The following CACNA1C variants were observed in gnomAD, a reference collection of about 807,000 sequenced individuals.
The protein encoded by CACNA1C is calcium voltage-gated channel subunit alpha1 C.
Under a neutral mutation model 229.0 loss-of-function variants are expected in CACNA1C, and 30 were observed. The ratio of observed to expected loss-of-function variants is 0.13; its 90% CI spans 0.10 to 0.18. The LOEUF (loss-of-function observed/expected upper bound fraction) is 0.18. Ranked by LOEUF, CACNA1C falls within the 10% of genes least tolerant of loss-of-function variation. CACNA1C has a pLI of 1.00. For missense variants in CACNA1C, 1,658 were observed against 2,845.0 expected (o/e 0.58, Z 9.49); for synonymous variants, 1,114 against 1,132.5 (o/e 0.98, Z 0.33).
intron 1 of CACNA1C, among the ~76,000 whole-genome samples, chr12:2,044,190 A>G (rs902475516): frequency 2.6e-5 from 4 of 152,180 alleles, no homozygotes; most frequent in African/African-American, 9.6e-5. Context: ...ATTGAAACTT[A>G]CCTTCAAGTA....
Position 2,597,273 on chromosome 12 carries a change from T to G in CACNA1C, c.2837T>G (p.Ile946Ser). ...FDIVFTTIFT[I>S]EIALKMTAYG... ...ATTGTTTTTACCACCATTTTCACCA[T>G]TGAAATTGCTCTGAAGGTAAAGCCC... The change falls in exon 21 of 47, where the codon ATT (isoleucine) becomes AGT (serine). Residue 946 changes from isoleucine to serine, a missense_variant. Transcript: ENST00000399655. This position sits in a 1 kb window ranked among gnomAD's most constrained non-coding sequence, Gnocchi z 4.3. 6.2e-7 allele frequency: 1 copy of G among 1,610,734 alleles called. No individual in the cohort carries two copies. Among genetic ancestry groups the G allele is most frequent in the Non-Finnish European group, 8.5e-7 (1 of 1,177,462 alleles).
Position 2,301,069 on chromosome 12 carries a change from C to T in CACNA1C, c.478-147907C>T, listed in dbSNP as rs148850017. Among the ~76,000 whole-genome samples the T allele has an allele frequency of 8.2e-3, 1,255 of 152,258 alleles. 15 individuals are homozygous for T. The highest frequency in any genetic ancestry group is 0.029 in the African/African-American group (1,199 of 41,538). ...GGTGGTAGTCTGCAGGCATACACTC[C>T]GTGTCCTGTCGTGAGCCGGTCCTCA... On this transcript the variant is annotated intron_variant, in intron 3 of 46. Transcript: ENST00000399655.
At chr12:2,298,456 A>G (rs2094270209) in intron 3 of CACNA1C, among the ~76,000 whole-genome samples, 1 of 151,824 alleles carries the variant, frequency 6.6e-6, no homozygotes, top group African/African-American at 2.4e-5. Context: ...GCACCACCAC[A>G]CTCAGCTAAT....
intron 3 of CACNA1C, among the ~76,000 whole-genome samples, chr12:2,231,354 C>A (rs141572926): frequency 1.3e-5 from 2 of 152,168 alleles, no homozygotes; most frequent in Non-Finnish European, 2.9e-5. Context: ...TAAGCCATTC[C>A]GTTCTGAAAA....
chr12:1,995,625 T>C (rs1167836536), intron 1 of CACNA1C, among the ~76,000 whole-genome samples: 3 of 152,212 alleles, frequency 2.0e-5, no homozygotes, highest in African/African-American at 2.4e-5. Context: ...CTTCCTCCCC[T>C]GCAGCTGAGC....
chr12:2,341,177 T>G (rs1443372470), intron 3 of CACNA1C, among the ~76,000 whole-genome samples: 4 of 152,124 alleles, frequency 2.6e-5, no homozygotes, highest in Non-Finnish European at 5.9e-5. Context: ...AGGGGAGTGC[T>G]GGGGCACTGG....
Position 2,651,242 on chromosome 12 carries a change from G to A in CACNA1C, c.3946-398G>A. On this transcript the variant is annotated intron_variant, in intron 31 of 46. Coordinates refer to ENST00000399655, the MANE Select transcript of CACNA1C (RefSeq NM_000719.7). This position sits in a 1 kb window ranked among gnomAD's most constrained non-coding sequence, Gnocchi z 5.4. ...TGTCTGCCCAGACAAACGGGAGACAGGCTAGGACTGCTTCCTCAGCAGTGC... is the reference window on the plus strand; with the variant it reads ...TGTCTGCCCAGACAAACGGGAGACAAGCTAGGACTGCTTCCTCAGCAGTGC... 3.9e-6 allele frequency: 1 copy of A among 253,466 alleles called. No individual in the cohort carries two copies. The allele number at this position is 253,466 out of a possible 1,614,324, so 15.7% of individuals were successfully genotyped here.
intron 29 of CACNA1C, chr12:2,614,476 C>T (rs573401360): frequency 6.6e-6 from 1 of 152,352 alleles, no homozygotes; most frequent in Admixed American, 6.5e-5. Context: ...CACAAATAGA[C>T]TCCAGGTAAA....
intron 3 of CACNA1C, among the ~76,000 whole-genome samples, chr12:2,343,959 T>G (rs546721486): frequency 6.6e-6 from 1 of 152,326 alleles, no homozygotes; most frequent in South Asian, 2.1e-4. Flanking sequence ...ATGACCAGTT[T>G]GGTTCCTGTC....
chr12:2,596,468 A>G (rs1383406321), intron 20 of CACNA1C, among the ~76,000 whole-genome samples: 1 of 152,228 alleles, frequency 6.6e-6, no homozygotes, highest in African/African-American at 2.4e-5. Flanking sequence ...TCTGGTGAAC[A>G]ATATTAAAGG....
At chr12:2,163,767 A>G (rs2096052141) in intron 3 of CACNA1C, among the ~76,000 whole-genome samples, 5 of 152,020 alleles carry the variant, frequency 3.3e-5, no homozygotes, top group African/African-American at 9.7e-5. Flanking sequence ...TTGGCCTCTG[A>G]GGCATTCCAG....
intron 3 of CACNA1C, among the ~76,000 whole-genome samples, chr12:2,289,714 A>G (rs977570479): frequency 6.6e-5 from 10 of 151,904 alleles, no homozygotes; most frequent in Admixed American, 5.3e-4. Flanking sequence ...TCAGTGCCAT[A>G]TGGGCAATGA....
intron 3 of CACNA1C, among the ~76,000 whole-genome samples, chr12:2,422,466 C>T (rs2098988973): frequency 6.6e-6 from 1 of 152,038 alleles, no homozygotes; most frequent in African/African-American, 2.4e-5. Context: ...ACAAGCCTTC[C>T]TTCAAGTCAG....
chr12:2,182,938 C>T (rs1232600638), intron 3 of CACNA1C, among the ~76,000 whole-genome samples: 3 of 152,116 alleles, frequency 2.0e-5, no homozygotes, highest in African/African-American at 7.2e-5. Context: ...CCACCGGATG[C>T]CAGGTAATCC....
At chr12:2,089,996 T>C (rs920599195) in intron 1 of CACNA1C, among the ~76,000 whole-genome samples, 3 of 151,976 alleles carry the variant, frequency 2.0e-5, no homozygotes, top group African/African-American at 7.3e-5. Context: ...GCCATTGCAC[T>C]CCAGCCTGGG....
intron 38 of CACNA1C, among the ~76,000 whole-genome samples, chr12:2,671,841 C>A (rs1206105776): frequency 6.6e-6 from 1 of 152,218 alleles, no homozygotes; most frequent in Admixed American, 6.5e-5. Flanking sequence ...TTCAGAACAG[C>A]TACCAAAGGG....
rs112389823 is a variant in CACNA1C, at chr12:2,238,636, G to A, written c.477+118206G>A. Among the ~76,000 whole-genome samples the A allele has an allele frequency of 6.6e-5, 10 of 152,356 alleles. 1 individual carries two copies. The highest frequency in any genetic ancestry group is 3.4e-3 in the Middle Eastern group (1 of 294). On this transcript the variant is annotated intron_variant, in intron 3 of 46. Coordinates refer to ENST00000399655, the MANE Select transcript of CACNA1C (RefSeq NM_000719.7). ...CCTACCAAGTGCCCTCTGAGAAGAG[G>A]ACTAGCCATTCTCTGGGAGCAGAGG...
At position 2,346,523 on chromosome 12, in the gene CACNA1C, G is replaced by C. The variant is rs1353681160; in HGVS notation, c.478-102453G>C. On this transcript the variant is annotated intron_variant, in intron 3 of 46. Coordinates refer to ENST00000399655, the MANE Select transcript of CACNA1C (RefSeq NM_000719.7). This position sits in a 1 kb window ranked among gnomAD's most constrained non-coding sequence, Gnocchi z 4.4. ...GCTATGTTTTAAATTTTGGGCCCCA[G>C]GAAGAGAGTTGCCCCTGTGTTAGGA... Among the ~76,000 whole-genome samples the C allele has an allele frequency of 6.6e-6, 1 of 152,090 alleles. No homozygotes were observed.
chr12:2,203,388 T>C (rs1298140254), intron 3 of CACNA1C, among the ~76,000 whole-genome samples: 1 of 152,146 alleles, frequency 6.6e-6, no homozygotes, highest in African/African-American at 2.4e-5. Context: ...CACTGAAGGG[T>C]AGACCTTGGT....
Sources: allele counts gnomAD v4.1 joint callset (sites outside exome capture counted in the v4.1 genomes callset), GRCh38; gene constraint gnomAD v4.1.1; non-coding constraint Gnocchi (gnomAD v3.1); transcripts MANE v1.5; gene names NCBI Gene and HGNC (gene_info 2026-07-23, HGNC 2026-07-21).